The following SUGCT variants were observed in gnomAD, a reference collection of about 807,000 sequenced individuals.
The protein encoded by SUGCT is succinyl-CoA:glutarate CoA-transferase.
In SUGCT, 41 loss-of-function variants were observed where a neutral mutation model predicts 55.0. The ratio of observed to expected loss-of-function variants is 0.74; its 90% confidence interval spans 0.58 to 0.97. The LOEUF is 0.97. Among genes scored for constraint, SUGCT ranks in the 50% least tolerant of loss-of-function variants. The probability of loss-of-function intolerance (pLI) is 0.00; values close to 1 mark genes in which losing one functional copy is unlikely to be tolerated. For missense variants in SUGCT, 568 were observed against 547.8 expected (o/e 1.04, Z -0.37); for synonymous variants, 187 against 200.4 (o/e 0.93, Z 0.56).
At chr7:40,831,024 A>T (rs1792637856) in intron 13 of SUGCT, among the ~76,000 whole-genome samples, 1 of 152,150 alleles carries the variant, frequency 6.6e-6, no homozygotes. Context: ...ATGTCGTCTC[A>T]ATTTTGGAGA....
At chr7:40,992,057 A>G in the SUGCT span, among the ~76,000 whole-genome samples, 1 of 152,138 alleles carries the variant, frequency 6.6e-6, no homozygotes, top group Non-Finnish European at 1.5e-5. Context: ...AAGTAAAGGA[A>G]TAAAGAATGG....
At chr7:40,462,481 T>C (rs1789855396) in intron 11 of SUGCT, among the ~76,000 whole-genome samples, 1 of 152,110 alleles carries the variant, frequency 6.6e-6, no homozygotes, top group South Asian at 2.1e-4. Context: ...TGGATTTGCT[T>C]ATTGCAACTT....
chr7:40,649,506 T>A (rs1022439592), intron 12 of SUGCT, among the ~76,000 whole-genome samples: 7 of 152,214 alleles, frequency 4.6e-5, no homozygotes, highest in Non-Finnish European at 7.3e-5. Flanking sequence ...TCAGGCCTTC[T>A]AAATAAACTC....
chr7:40,255,506 C>T (rs1790748802), intron 7 of SUGCT, among the ~76,000 whole-genome samples: 1 of 150,820 alleles, frequency 6.6e-6, no homozygotes, highest in African/African-American at 2.4e-5. Flanking sequence ...TGCTAAAATA[C>T]AAAAATTAGC....
chr7:40,395,502 A>G (rs1010940942), intron 9 of SUGCT, among the ~76,000 whole-genome samples: 1 of 151,352 alleles, frequency 6.6e-6, no homozygotes, highest in Non-Finnish European at 1.5e-5. Context: ...AAAAAAAAAA[A>G]AAAAAAAAAA....
At chr7:40,533,531 A>G (rs999852529) in intron 12 of SUGCT, among the ~76,000 whole-genome samples, 4 of 152,130 alleles carry the variant, frequency 2.6e-5, no homozygotes, top group African/African-American at 7.2e-5. Flanking sequence ...AATTGCAAAG[A>G]AATTTTGAAA....
chr7:40,241,785 T>C (rs1789410234), intron 7 of SUGCT, among the ~76,000 whole-genome samples: 2 of 151,786 alleles, frequency 1.3e-5, no homozygotes, highest in Admixed American at 1.3e-4. Context: ...CTGGGCGTGG[T>C]GGTGTGCATC....
chr7:40,798,861 T>A (rs1248920155), intron 13 of SUGCT, among the ~76,000 whole-genome samples: 2 of 152,206 alleles, frequency 1.3e-5, no homozygotes, highest in African/African-American at 2.4e-5. Flanking sequence ...TTTTTTATAT[T>A]TTTAAAAATC....
At chr7:40,721,941 T>C (rs554466700) in intron 12 of SUGCT, among the ~76,000 whole-genome samples, 26 of 152,332 alleles carry the variant, frequency 1.7e-4, no homozygotes, top group South Asian at 1.7e-3. Flanking sequence ...ATAGGAGATT[T>C]TCGTATTGCA....
chr7:40,253,632 T>C (rs1323148521), intron 7 of SUGCT, among the ~76,000 whole-genome samples: 1 of 152,090 alleles, frequency 6.6e-6, no homozygotes, highest in Non-Finnish European at 1.5e-5. Context: ...GCTCCACCTG[T>C]GCTCACTGCA....
chr7:40,833,529 T>C (rs1258505455), intron 13 of SUGCT, among the ~76,000 whole-genome samples: 2 of 152,228 alleles, frequency 1.3e-5, no homozygotes, highest in Non-Finnish European at 2.9e-5. Context: ...GGCTGCATTG[T>C]ATCTTTTGAA....
At chr7:40,184,108 G>T (rs898326458) in intron 3 of SUGCT, among the ~76,000 whole-genome samples, 2 of 152,090 alleles carry the variant, frequency 1.3e-5, no homozygotes, top group Non-Finnish European at 2.9e-5. Flanking sequence ...CTGGGAGGCG[G>T]AGGTTGCAGT....
At chr7:40,647,037 G>T (rs2151833384) in intron 12 of SUGCT, among the ~76,000 whole-genome samples, 1 of 152,170 alleles carries the variant, frequency 6.6e-6, no homozygotes, top group East Asian at 1.9e-4. Context: ...GTGAAGCTGG[G>T]CTGGGTACAC....
intron 13 of SUGCT, among the ~76,000 whole-genome samples, chr7:40,773,629 C>T (rs906011626): frequency 6.6e-6 from 1 of 152,190 alleles, no homozygotes; most frequent in African/African-American, 2.4e-5. Flanking sequence ...TTGATGACAT[C>T]ACTTTGCCTG....
chr7:40,516,542 A>G (rs1197435430), intron 12 of SUGCT, among the ~76,000 whole-genome samples: 1 of 152,032 alleles, frequency 6.6e-6, no homozygotes, highest in East Asian at 1.9e-4. Flanking sequence ...TAGGAGTCTA[A>G]TTTCATTCTT....
chr7:40,280,444 G>A (rs1792878055), intron 8 of SUGCT, among the ~76,000 whole-genome samples: 1 of 152,138 alleles, frequency 6.6e-6, no homozygotes, highest in Non-Finnish European at 1.5e-5. Context: ...TCTTTTGGAA[G>A]TTTTAATGTC....
chr7:40,224,310 G>T (rs1788201329), intron 6 of SUGCT, among the ~76,000 whole-genome samples: 1 of 151,678 alleles, frequency 6.6e-6, no homozygotes, highest in Non-Finnish European at 1.5e-5. Context: ...CAAATTTTGC[G>T]ATTTATTTTC....
chr7:40,243,301 G>A (rs1473159945), intron 7 of SUGCT, among the ~76,000 whole-genome samples: 1 of 151,820 alleles, frequency 6.6e-6, no homozygotes, highest in Non-Finnish European at 1.5e-5. Flanking sequence ...ATTATACTGA[G>A]CAATCAAATG....
At chr7:40,582,979 G>A (rs924746160) in intron 12 of SUGCT, among the ~76,000 whole-genome samples, 3 of 152,178 alleles carry the variant, frequency 2.0e-5, no homozygotes, top group South Asian at 4.2e-4. Flanking sequence ...TTATGTATAA[G>A]TAAACATTTC....
Sources: allele counts gnomAD v4.1 joint callset (sites outside exome capture counted in the v4.1 genomes callset), GRCh38; gene constraint gnomAD v4.1.1; transcripts MANE v1.5; gene names NCBI Gene and HGNC (gene_info 2026-07-23, HGNC 2026-07-21).